FARS2: variants seen among roughly 807,000 people sequenced by gnomAD.
FARS2 encodes phenylalanyl-tRNA synthetase 2, mitochondrial, also known as phenylalanine--tRNA ligase, mitochondrial.
A neutral mutation model predicts 46.4 loss-of-function variants in FARS2; 40 were observed. The ratio of observed to expected loss-of-function variants is 0.86; its 90% CI spans 0.67 to 1.12. The LOEUF (loss-of-function observed/expected upper bound fraction) is 1.12. Among genes scored for constraint, FARS2 ranks in the 50% most tolerant of loss-of-function variants. The pLI is 0.00. For missense variants in FARS2, 513 were observed against 567.9 expected, an observed-to-expected ratio of 0.90 and a Z score of 0.98; for synonymous variants, 234 against 214.9, an observed-to-expected ratio of 1.09 and a Z score of -0.78.
chr6:5,435,296 C>T (rs1763455686), intron 4 of FARS2, among the ~76,000 whole-genome samples: 1 of 152,220 alleles, frequency 6.6e-6, no homozygotes, highest in African/African-American at 2.4e-5. Context: ...GTAGTTACCT[C>T]TAAGGAAGGG....
intron 4 of FARS2, among the ~76,000 whole-genome samples, chr6:5,505,694 C>T (rs754127703): frequency 2.0e-5 from 3 of 147,070 alleles, no homozygotes; most frequent in South Asian, 2.1e-4. Flanking sequence ...CTATAGGATG[C>T]GATGCCTGAG....
intron 6 of FARS2, among the ~76,000 whole-genome samples, chr6:5,726,836 C>T (rs554652029): frequency 3.3e-5 from 5 of 152,352 alleles, no homozygotes; most frequent in Admixed American, 3.3e-4. Context: ...GCACCAGAGA[C>T]AGTGGGCCCT....
intron 4 of FARS2, among the ~76,000 whole-genome samples, chr6:5,534,247 TC>T (rs2150466192): frequency 1.0e-5 from 1 of 96,180 alleles, no homozygotes; most frequent in South Asian, 2.7e-4. Flanking sequence ...AATATCTACA[TC>T]CTCTGAGATT....
chr6:5,676,773 C>G (rs994993666), intron 6 of FARS2, among the ~76,000 whole-genome samples: 3 of 152,186 alleles, frequency 2.0e-5, no homozygotes, highest in Admixed American at 6.5e-5. Flanking sequence ...TCTTGGTAGT[C>G]AATCTCAAGT....
chr6:5,293,385 A>G (rs1466819639), intron 1 of FARS2, among the ~76,000 whole-genome samples: 2 of 152,182 alleles, frequency 1.3e-5, no homozygotes, highest in African/African-American at 4.8e-5. Context: ...TGTGAGCAGG[A>G]AAGATGGATG....
chr6:5,257,373 C>G (rs1764728304), upstream of FARS2, among the ~76,000 whole-genome samples: 1 of 152,218 alleles, frequency 6.6e-6, no homozygotes, highest in Non-Finnish European at 1.5e-5. Context: ...CTAGATTCCA[C>G]ACCTTGTACA....
At chr6:5,330,152 A>G (rs894961329) in intron 1 of FARS2, among the ~76,000 whole-genome samples, 2 of 152,210 alleles carry the variant, frequency 1.3e-5, no homozygotes, top group African/African-American at 4.8e-5. Flanking sequence ...TTTAGAACAC[A>G]GGCTGCTCCT....
At chr6:5,473,352 C>G (rs1447449820) in intron 4 of FARS2, among the ~76,000 whole-genome samples, 3 of 151,924 alleles carry the variant, frequency 2.0e-5, no homozygotes, top group Admixed American at 6.6e-5. Flanking sequence ...CAGCGAAACC[C>G]CGTCTCTACT....
chr6:5,306,950 A>T (rs1049661455), intron 1 of FARS2, among the ~76,000 whole-genome samples: 1 of 152,094 alleles, frequency 6.6e-6, no homozygotes, highest in Non-Finnish European at 1.5e-5. Context: ...CTAAAAAAAA[A>T]ATGGAGAAAT....
intron 6 of FARS2, among the ~76,000 whole-genome samples, chr6:5,664,204 A>G (rs548608657): frequency 6.6e-6 from 1 of 152,238 alleles, no homozygotes; most frequent in African/African-American, 2.4e-5. Flanking sequence ...TTTCATCTCT[A>G]TGCTAATTTT....
At chr6:5,516,402 G>A (rs1768797189) in intron 4 of FARS2, among the ~76,000 whole-genome samples, 1 of 152,204 alleles carries the variant, frequency 6.6e-6, no homozygotes, top group Non-Finnish European at 1.5e-5. Context: ...GTTTGCAATA[G>A]TATAGGTTCT....
intron 6 of FARS2, among the ~76,000 whole-genome samples, chr6:5,673,136 A>G (rs531944886): frequency 1.3e-5 from 2 of 152,342 alleles, no homozygotes; most frequent in East Asian, 1.9e-4. Context: ...ATGATAGAAT[A>G]TGCGGTCCCT....
intron 4 of FARS2, among the ~76,000 whole-genome samples, chr6:5,502,325 C>T (rs1035685364): frequency 1.2e-4 from 19 of 152,046 alleles, no homozygotes; most frequent in Non-Finnish European, 2.2e-4. Flanking sequence ...TTTGGCATGC[C>T]CTTTCTGCAA....
chr6:5,574,707 C>A (rs1228490225), intron 5 of FARS2, among the ~76,000 whole-genome samples: 2 of 152,142 alleles, frequency 1.3e-5, no homozygotes, highest in African/African-American at 4.8e-5. Context: ...CTTGGAGCTT[C>A]TGATCACCTT....
intron 3 of FARS2, among the ~76,000 whole-genome samples, chr6:5,423,544 G>A (rs1466126186): frequency 2.0e-5 from 3 of 152,074 alleles, no homozygotes; most frequent in Admixed American, 1.3e-4. Flanking sequence ...GCCAATGGTG[G>A]AGGAAATCGC....
chr6:5,597,317 T>C (rs954605213), intron 5 of FARS2, among the ~76,000 whole-genome samples: 9 of 152,180 alleles, frequency 5.9e-5, no homozygotes, highest in Non-Finnish European at 1.3e-4. Flanking sequence ...TTGAGGACTT[T>C]GGGCCATGTT....
intron 4 of FARS2, among the ~76,000 whole-genome samples, chr6:5,490,133 A>G (rs762875831): frequency 1.1e-4 from 16 of 152,184 alleles, no homozygotes; most frequent in Non-Finnish European, 1.9e-4. Context: ...AATGTCATAT[A>G]TATGGACTTG....
chr6:5,294,285 T>C lies in FARS2; in HGVS notation c.-22+32625T>C, dbSNP rs373874684. Among the ~76,000 whole-genome samples, 10 of 152,206 alleles carry C rather than the reference T, an allele frequency of 6.6e-5. No individual in the cohort carries two copies. In the East Asian group the frequency reaches 1.9e-3, roughly 29 times the overall value. On this transcript the variant is annotated intron_variant, in intron 1 of 6. Coordinates refer to ENST00000274680, the MANE Select transcript of FARS2 (RefSeq NM_006567.5). Reference sequence around the variant, plus strand: ...AAGGAAGGAAGCCAGGACCAGTGTTTAGAAAGGGAAAAGAGGAGTAGAGGA... The same window carrying C: ...AAGGAAGGAAGCCAGGACCAGTGTTCAGAAAGGGAAAAGAGGAGTAGAGGA...
chr6:5,512,867 A>G (rs2150406777), intron 4 of FARS2, among the ~76,000 whole-genome samples: 1 of 152,332 alleles, frequency 6.6e-6, no homozygotes, highest in Middle Eastern at 3.4e-3. Flanking sequence ...ATAGTTCATT[A>G]TGGCAGAAGC....
Sources: gnomAD v4.1 joint callset for allele counts (sites outside exome capture counted in the v4.1 genomes callset) on GRCh38, gnomAD v4.1.1 for gene constraint, MANE v1.5 for transcripts, NCBI Gene and HGNC (gene_info 2026-07-23, HGNC 2026-07-21) for gene names.